MICAL3: variants seen among roughly 807,000 people sequenced by gnomAD.
MICAL3 encodes the protein [F-actin]-monooxygenase MICAL3.
MICAL3 carries 62 observed loss-of-function variants against 207.4 expected under a neutral mutation model. The observed-to-expected ratio is 0.30, with a 90% CI of 0.24 to 0.37. MICAL3 has a LOEUF of 0.37. Ranked by LOEUF, MICAL3 falls within the 10% of genes least tolerant of loss-of-function variation. The pLI is 1.00. For missense variants in MICAL3, 2,368 were observed against 2,635.6 expected, an observed-to-expected ratio of 0.90 and a Z score of 2.22; for synonymous variants, 1,077 against 1,069.3, an observed-to-expected ratio of 1.01 and a Z score of -0.14.
At chr22:17,924,093 ACCG>A (rs1477788990) in intron 1 of MICAL3, among the ~76,000 whole-genome samples, 2 of 152,146 alleles carry the variant, frequency 1.3e-5, no homozygotes, top group African/African-American at 4.8e-5. Context: ...CATGGAGGTA[ACCG>A]CCTCCATGAT....
In MICAL3 at chr22:17,819,132, A is replaced by AC; in HGVS notation, c.3532-4dup. ...GGGACAGGTGGGAGTTGGGGCCCCTACAGGGAAGGAAGACAGAAGCCGCTG... is the reference window on the plus strand; with the variant it reads ...GGGACAGGTGGGAGTTGGGGCCCCTACCAGGGAAGGAAGACAGAAGCCGCTG... On this transcript the variant is annotated splice_polypyrimidine_tract_variant and splice_region_variant and intron_variant, in intron 25 of 31. Coordinates refer to ENST00000441493, the MANE Select transcript of MICAL3 (RefSeq NM_015241.3). The AC allele has an allele frequency of 6.8e-7, 1 of 1,473,056 alleles. No homozygotes were observed. The highest frequency in any genetic ancestry group is 9.0e-7 in the Non-Finnish European group (1 of 1,108,982). The allele number at this position is 1,473,056 out of a possible 1,614,324, so 91.2% of individuals were successfully genotyped here.
At position 18,002,928 on chromosome 22, in the gene MICAL3, A is replaced by C. The variant is rs566355749; in HGVS notation, c.-75+21353T>G. Among the ~76,000 whole-genome samples, 3 of 152,274 alleles carry C rather than the reference A, an allele frequency of 2.0e-5. No individual in the cohort carries two copies. The South Asian group carries it at 6.2e-4, about 32-fold the overall frequency. ...TCCCAGCACTTTGGGAGGCCAAGGC[A>C]GGCAGATCACGAGGTCAGGAGATCC... On this transcript the variant is annotated intron_variant, in intron 1 of 31. Coordinates refer to ENST00000441493, the MANE Select transcript of MICAL3 (RefSeq NM_015241.3).
chr22:17,832,748 G>A (rs552795670), intron 20 of MICAL3, among the ~76,000 whole-genome samples: 105 of 152,246 alleles, frequency 6.9e-4, no homozygotes, highest in Middle Eastern at 3.4e-3. Context: ...GTGGTGGGGG[G>A]AGGGGGGACC....
rs1248613576 is a variant in MICAL3 at position 17,831,215 on chromosome 22, G to C, written c.3055+639C>G. Among the ~76,000 whole-genome samples, 6 of 152,196 alleles carry C rather than the reference G, an allele frequency of 3.9e-5. No individual in the cohort carries two copies. In the East Asian group the frequency reaches 9.7e-4, roughly 25 times the overall value. On this transcript the variant is annotated intron_variant, in intron 21 of 31. Coordinates refer to ENST00000441493, the MANE Select transcript of MICAL3 (RefSeq NM_015241.3). Reference sequence around the variant, plus strand: ...CAGACTTCTGCGCTGCTGGAGCAGAGAAAGAATGGCCTTCTCTCCTGCACA... The same window carrying C: ...CAGACTTCTGCGCTGCTGGAGCAGACAAAGAATGGCCTTCTCTCCTGCACA...
chr22:17,966,488 T>A lies in MICAL3; in HGVS notation c.-75+57793A>T, dbSNP rs939359747. ...TTATTCATATCCAGACAGTACTGTTTGCATTGTTTCTGTTTCTCCAATGGA... is the reference window on the plus strand; with the variant it reads ...TTATTCATATCCAGACAGTACTGTTAGCATTGTTTCTGTTTCTCCAATGGA... On this transcript the variant is annotated intron_variant, in intron 1 of 31. Transcript: ENST00000441493. Among the ~76,000 whole-genome samples the A allele has an allele frequency of 3.3e-5, 5 of 152,224 alleles. No homozygotes were observed. The East Asian group carries it at 9.6e-4, about 29-fold the overall frequency.
intron 16 of MICAL3, among the ~76,000 whole-genome samples, chr22:17,877,511 T>TTATGGAGGTTAGGGAGGTTATGGAGGTG (rs1928913504): frequency 1.6e-5 from 1 of 62,590 alleles, no homozygotes; most frequent in South Asian, 4.2e-4. Context: ...TTATGGAGGT[T>TTATGGAGGTTAGGGAGGTTATGGAGGTG]AGGGAGGTTA....
chr22:17,846,568 A>C (rs1924653259), intron 19 of MICAL3, among the ~76,000 whole-genome samples: 1 of 152,140 alleles, frequency 6.6e-6, no homozygotes, highest in African/African-American at 2.4e-5. Context: ...CTCCTCCCTC[A>C]TCAACTAATG....
Position 17,891,471 on chromosome 22 carries a change from T to C in MICAL3, c.1694+14A>G, listed in dbSNP as rs1602158598. On this transcript the variant is annotated intron_variant, in intron 12 of 31. Transcript: ENST00000441493. ...GAGGAGTATAAAAAAACACAAAGTTTGATCACAACTTACATCAGGTCAGGG... is the reference window on the plus strand; with the variant it reads ...GAGGAGTATAAAAAAACACAAAGTTCGATCACAACTTACATCAGGTCAGGG... 1 of 1,613,304 alleles carries C rather than the reference T, an allele frequency of 6.2e-7. No homozygotes were observed. Among genetic ancestry groups the C allele is most frequent in the Non-Finnish European group, 8.5e-7 (1 of 1,179,302 alleles).
rs78723441 is a variant in MICAL3, at chr22:17,922,985, C to G, written c.-74-16099G>C. Among the ~76,000 whole-genome samples the G allele has an allele frequency of 7.9e-5, 12 of 152,258 alleles. No individual in the cohort carries two copies. The East Asian group carries it at 2.1e-3, about 27-fold the overall frequency. On this transcript the variant is annotated intron_variant, in intron 1 of 31. Coordinates refer to ENST00000441493, the MANE Select transcript of MICAL3 (RefSeq NM_015241.3). Reference sequence around the variant, plus strand: ...AGTATGGGACTTAGGCATGATTCATCAGTGGATCAAATGCTTCTCCAAGCC... The same window carrying G: ...AGTATGGGACTTAGGCATGATTCATGAGTGGATCAAATGCTTCTCCAAGCC...
At chr22:17,967,340 G>A (rs919906839) in intron 1 of MICAL3, among the ~76,000 whole-genome samples, 3 of 149,416 alleles carry the variant, frequency 2.0e-5, no homozygotes, top group Admixed American at 1.3e-4. Context: ...TCATCACAAC[G>A]GCATCTACAT....
chr22:17,892,868 A>G (rs939361103), intron 11 of MICAL3, among the ~76,000 whole-genome samples: 1 of 152,138 alleles, frequency 6.6e-6, no homozygotes, highest in African/African-American at 2.4e-5. Flanking sequence ...ACGCTGATGT[A>G]GCACCATCTA....
At chr22:17,820,951 CATAAATTTTAATAAATTTATATTTAT>C (rs1190794177) in intron 25 of MICAL3, among the ~76,000 whole-genome samples, 1 of 139,680 alleles carries the variant, frequency 7.2e-6, no homozygotes, top group African/African-American at 2.7e-5. Flanking sequence ...TGTTTATAAA[CATAAATTTTAATAAATTTATATTTAT>C]AAACATAAAT....
chr22:18,023,383 A>G (rs779895481), intron 1 of MICAL3, among the ~76,000 whole-genome samples: 14 of 152,300 alleles, frequency 9.2e-5, no homozygotes, highest in African/African-American at 4.8e-5. Flanking sequence ...ATAGCACCAC[A>G]GGGCCCAGCC....
Position 17,818,646 on chromosome 22 carries a change from C to T in MICAL3, c.4015G>A (p.Gly1339Arg), listed in dbSNP as rs551786311. The change falls in exon 26 of 32, where the codon GGG becomes AGG. Residue 1339 changes from glycine (G) to arginine (R), a missense_variant. Physicochemically the swap from Gly to Arg is moderately radical, Grantham distance 125 (BLOSUM62 -2). Transcript: ENST00000441493. ...TTGCTGCGGTCCACAGGTGTGAGCC[C>T]GAGGCTGCGGCGGATCTCCGCACTC... ...MKSAEIRRSL[G>R]LTPVDRSKGP... 1.9e-5 allele frequency: 31 copies of T among 1,613,624 alleles called. No homozygotes were observed. In the South Asian group the frequency reaches 2.6e-4, roughly 14 times the overall value.
chr22:17,864,117 G>A, intron 19 of MICAL3: 29 of 987,044 alleles, frequency 2.9e-5, no homozygotes, highest in Non-Finnish European at 3.4e-5. Flanking sequence ...GCCATTTTAA[G>A]GAAAATCTAC....
At chr22:17,952,328 T>C (rs1934387924) in intron 1 of MICAL3, among the ~76,000 whole-genome samples, 1 of 152,142 alleles carries the variant, frequency 6.6e-6, no homozygotes, top group African/African-American at 2.4e-5. Flanking sequence ...ACCTTGTGTT[T>C]TCATTTCCTT....
chr22:17,911,228 G>A (rs555626692), intron 1 of MICAL3, among the ~76,000 whole-genome samples: 5 of 152,232 alleles, frequency 3.3e-5, no homozygotes, highest in African/African-American at 1.2e-4. Context: ...ATAGTTGAAG[G>A]TTGTCACTGA....
intron 1 of MICAL3, among the ~76,000 whole-genome samples, chr22:17,990,493 AC>A: frequency 6.6e-6 from 1 of 152,142 alleles, no homozygotes; most frequent in Non-Finnish European, 1.5e-5. Flanking sequence ...AATGCTTGTG[AC>A]CATACAAGGT....
chr22:17,857,554 C>CA (rs576364821), intron 19 of MICAL3, among the ~76,000 whole-genome samples: 90 of 152,338 alleles, frequency 5.9e-4, no homozygotes, highest in African/African-American at 2.0e-3. Context: ...ATAAGGAAAT[C>CA]AGTCACTTAA....
Sources: gnomAD v4.1 joint callset for allele counts (sites outside exome capture counted in the v4.1 genomes callset) on GRCh38, gnomAD v4.1.1 for gene constraint, MANE v1.5 for transcripts, NCBI Gene and HGNC (gene_info 2026-07-23, HGNC 2026-07-21) for gene names.